Variants in ARB2A observed in about 807,000 individuals in gnomAD.
ARB2A encodes ARB2 cotranscriptional regulator A.
chr5:93,676,584 C>G, the ARB2A span, among the ~76,000 whole-genome samples: 1 of 152,142 alleles, frequency 6.6e-6, no homozygotes, highest in Admixed American at 6.5e-5. Flanking sequence ...ATTGCATATT[C>G]TGTTCACTCA....
At chr5:94,104,457 G>A in the ARB2A span, among the ~76,000 whole-genome samples, 1 of 151,716 alleles carries the variant, frequency 6.6e-6, no homozygotes, top group African/African-American at 2.4e-5. Flanking sequence ...GATTGAATCA[G>A]AAGGAAATTG....
the ARB2A span, among the ~76,000 whole-genome samples, chr5:93,948,524 T>C: frequency 2.0e-5 from 3 of 152,164 alleles, no homozygotes; most frequent in South Asian, 6.2e-4. Flanking sequence ...TTAGATCCCA[T>C]TTGTCAATTT....
chr5:93,954,428 C>T, the ARB2A span, among the ~76,000 whole-genome samples: 1 of 151,986 alleles, frequency 6.6e-6, no homozygotes, highest in Non-Finnish European at 1.5e-5. Context: ...AATCTAGTGT[C>T]TGGAATAGGA....
the ARB2A span, among the ~76,000 whole-genome samples, chr5:93,907,707 C>A: frequency 3.3e-5 from 5 of 151,406 alleles, no homozygotes; most frequent in East Asian, 1.9e-4. Context: ...TTTAAAAATT[C>A]TCTTTTCATA....
At chr5:93,792,845 TATA>T in the ARB2A span, among the ~76,000 whole-genome samples, 13 of 151,846 alleles carry the variant, frequency 8.6e-5, no homozygotes, top group African/African-American at 2.7e-4. Flanking sequence ...AAACTTAAAG[TATA>T]ATAATAATAA....
chr5:93,878,425 G>GGT, the ARB2A span, among the ~76,000 whole-genome samples: 469 of 150,932 alleles, frequency 3.1e-3, 2 homozygotes, highest in African/African-American at 0.011. Flanking sequence ...TACTCAAAGG[G>GGT]GTGTGTGTGT....
the ARB2A span, among the ~76,000 whole-genome samples, chr5:93,996,054 CTGT>C: frequency 6.6e-6 from 1 of 152,032 alleles, no homozygotes; most frequent in South Asian, 2.1e-4. Context: ...AGTCTCTTCT[CTGT>C]TGACTATAGG....
the ARB2A span, among the ~76,000 whole-genome samples, chr5:93,728,928 AT>A: frequency 6.6e-5 from 10 of 152,210 alleles, no homozygotes; most frequent in East Asian, 1.9e-3. Context: ...CTTCTCATGC[AT>A]TTTGGAAGGC....
chr5:93,658,728 T>C, the ARB2A span, among the ~76,000 whole-genome samples: 2 of 152,126 alleles, frequency 1.3e-5, no homozygotes, highest in South Asian at 2.1e-4. Context: ...GAGAAAGATA[T>C]TGTCAGCCAC....
the ARB2A span, among the ~76,000 whole-genome samples, chr5:93,744,891 A>G: frequency 6.6e-6 from 1 of 152,202 alleles, no homozygotes; most frequent in Non-Finnish European, 1.5e-5. Flanking sequence ...GTAAGGATGG[A>G]AACACATGGT....
At chr5:93,845,710 G>A in the ARB2A span, among the ~76,000 whole-genome samples, 5,141 of 152,276 alleles carry the variant, frequency 0.034, 138 homozygotes, top group Middle Eastern at 0.061. Context: ...TACTAGAGCA[G>A]ACTGAGAGGC....
chr5:93,967,786 C>G, the ARB2A span, among the ~76,000 whole-genome samples: 1 of 152,096 alleles, frequency 6.6e-6, no homozygotes, highest in South Asian at 2.1e-4. Context: ...TTTACCAGAA[C>G]CTAGCTGACC....
the ARB2A span, chr5:93,805,429 G>A: frequency 1.0e-6 from 1 of 985,088 alleles, no homozygotes; most frequent in Non-Finnish European, 1.2e-6. Flanking sequence ...TGTTTAGAGT[G>A]TAAGCACGGT....
the ARB2A span, among the ~76,000 whole-genome samples, chr5:93,724,196 A>G: frequency 1.3e-5 from 2 of 151,958 alleles, no homozygotes; most frequent in South Asian, 4.1e-4. Flanking sequence ...GCTCCGAGTT[A>G]AGAAATATAT....
the ARB2A span, among the ~76,000 whole-genome samples, chr5:93,744,941 G>T: frequency 6.6e-6 from 1 of 152,160 alleles, no homozygotes; most frequent in African/African-American, 2.4e-5. Flanking sequence ...TGAGGGAGAA[G>T]AGAAACTGTC....
chr5:93,865,801 T>C, the ARB2A span: 10 of 985,310 alleles, frequency 1.0e-5, no homozygotes, highest in African/African-American at 1.7e-5. Flanking sequence ...TCAACATTTA[T>C]GGAGGAGTCA....
chr5:93,947,945 C>T, the ARB2A span, among the ~76,000 whole-genome samples: 990 of 152,112 alleles, frequency 6.5e-3, 4 homozygotes, highest in Middle Eastern at 0.017. Flanking sequence ...CAAGTCTTTG[C>T]TATTGTGAAT....
the ARB2A span, among the ~76,000 whole-genome samples, chr5:93,773,591 T>A: frequency 1.3e-5 from 2 of 152,134 alleles, no homozygotes; most frequent in East Asian, 3.9e-4. Context: ...CACACCTCAT[T>A]TTATTGTGCT....
chr5:94,089,952 A>C, the ARB2A span, among the ~76,000 whole-genome samples: 1 of 152,206 alleles, frequency 6.6e-6, no homozygotes, highest in South Asian at 2.1e-4. Context: ...TCTTAAACTC[A>C]AGAATCTTAC....
Sources: gnomAD v4.1 joint callset for allele counts (sites outside exome capture counted in the v4.1 genomes callset) on GRCh38, gnomAD v4.1.1 for gene constraint, MANE v1.5 for transcripts, NCBI Gene and HGNC (gene_info 2026-07-23, HGNC 2026-07-21) for gene names.